Variants in PELI2 observed in about 807,000 individuals in gnomAD.
PELI2 encodes the protein pellino E3 ubiquitin protein ligase family member 2.
Under a neutral mutation model 42.3 loss-of-function variants are expected in PELI2, and 23 were observed. That is an observed-to-expected ratio of 0.54 (90% CI 0.39 to 0.77). The LOEUF (loss-of-function observed/expected upper bound fraction) is 0.77, where lower values mean the gene tolerates loss of function less well. PELI2 is among the 30% of genes least tolerant of loss of function. PELI2 has a pLI of 0.00. For missense variants in PELI2, 463 were observed against 553.2 expected, an observed-to-expected ratio of 0.84 and a Z score of 1.64; for synonymous variants, 245 against 212.2, an observed-to-expected ratio of 1.15 and a Z score of -1.34.
rs546349499 is a variant in PELI2, at chr14:56,119,925, G to C, written c.77+1188G>C. 10 of 809,566 alleles carry C rather than the reference G, an allele frequency of 1.2e-5. No homozygotes were observed. The South Asian group carries it at 4.5e-4, about 36-fold the overall frequency. 50.1% of individuals were successfully genotyped at this position (809,566 alleles called of 1,614,324 possible). A position where few individuals can be genotyped will look rare whatever the true frequency, so the allele number is the denominator to read the frequency against. ...GAAGACTCAGGGAACTTTGCAAAAC[G>C]TGTTTTGATAAGTGAGTGCCTTGAA... On this transcript the variant is annotated intron_variant, in intron 1 of 5. Transcript: ENST00000267460.
chr14:56,197,342 C>G lies in PELI2; in HGVS notation c.207+18878C>G, dbSNP rs1029045050. ...CAGAGAGGGGCAGAAGTGTAACTGTCAGCATATTCTAAGACTCTGAGGCAG... is the reference window on the plus strand; with the variant it reads ...CAGAGAGGGGCAGAAGTGTAACTGTGAGCATATTCTAAGACTCTGAGGCAG... On this transcript the variant is annotated intron_variant, in intron 2 of 5. Transcript: ENST00000267460. This position sits in a 1 kb window ranked among gnomAD's most constrained non-coding sequence, Gnocchi z 4.9. Among the ~76,000 whole-genome samples the G allele has an allele frequency of 1.3e-5, 2 of 152,056 alleles. No individual in the cohort carries two copies. Among genetic ancestry groups the G allele is most frequent in the Non-Finnish European group, 2.9e-5 (2 of 68,014 alleles).
At chr14:56,189,979 G>A (rs1885901349) in intron 2 of PELI2, among the ~76,000 whole-genome samples, 2 of 152,172 alleles carry the variant, frequency 1.3e-5, no homozygotes, top group Admixed American at 1.3e-4. Flanking sequence ...ATGTGAAAAT[G>A]CATCTGATCT....
intron 1 of PELI2, among the ~76,000 whole-genome samples, chr14:56,126,069 C>T (rs905435135): frequency 6.6e-6 from 1 of 152,212 alleles, no homozygotes; most frequent in Non-Finnish European, 1.5e-5. Flanking sequence ...GCTTTACTGA[C>T]ATCAGATATT....
At chr14:56,257,931 C>G (rs889306688) in intron 2 of PELI2, among the ~76,000 whole-genome samples, 8 of 152,184 alleles carry the variant, frequency 5.3e-5, no homozygotes, top group Non-Finnish European at 1.0e-4. Flanking sequence ...TGTAGAGCTA[C>G]AGAGGATACT....
In PELI2 at chr14:56,152,629, G is replaced by A. The variant is rs115316452; in HGVS notation, c.78-25706G>A. Among the ~76,000 whole-genome samples, 995 of 152,190 alleles carry A rather than the reference G, an allele frequency of 6.5e-3. 12 individuals carry two copies. Among genetic ancestry groups the A allele is most frequent in the African/African-American group, 0.023 (951 of 41,502 alleles). On this transcript the variant is annotated intron_variant, in intron 1 of 5. Coordinates refer to ENST00000267460, the MANE Select transcript of PELI2 (RefSeq NM_021255.3). ...TTAGACCTCCCTTGGGTCAGTCTGA[G>A]GAAGGTTTATTATCTTGTGTTTATG...
chr14:56,287,164 C>T (rs191558507), intron 3 of PELI2, among the ~76,000 whole-genome samples: 6 of 152,262 alleles, frequency 3.9e-5, no homozygotes, highest in Admixed American at 1.3e-4. Context: ...CAGTGACTGT[C>T]GCTATGAGGC....
chr14:56,281,674 T>A (rs1055112774), intron 3 of PELI2, among the ~76,000 whole-genome samples: 8 of 152,066 alleles, frequency 5.3e-5, no homozygotes, highest in East Asian at 1.9e-4. Context: ...TCACAAAAGG[T>A]TAATGTCACA....
intron 2 of PELI2, among the ~76,000 whole-genome samples, chr14:56,245,764 A>G (rs961984386): frequency 6.6e-6 from 1 of 152,208 alleles, no homozygotes; most frequent in Non-Finnish European, 1.5e-5. Flanking sequence ...TAACAATACA[A>G]CAAAAAATAA....
rs1889184558 is a variant in PELI2 at position 56,273,706 on chromosome 14, A to C, written c.208-5970A>C. The stretch of plus-strand genomic sequence containing the variant: ...GAACAACAGTGGCAAGAGAGGGCTC[A>C]GGGGTGACATGAAGTTTTTAAGTGT... On this transcript the variant is annotated intron_variant, in intron 2 of 5. Transcript: ENST00000267460. The surrounding 1 kb of genome is among the most constrained non-coding windows in gnomAD (Gnocchi z 4.3). Among the ~76,000 whole-genome samples, 1 of 152,232 alleles carries C rather than the reference A, an allele frequency of 6.6e-6. No individual in the cohort carries two copies. The highest frequency in any genetic ancestry group is 1.5e-5 in the Non-Finnish European group (1 of 68,038).
Position 56,178,320 on chromosome 14 carries a change from C to T in PELI2, c.78-15C>T, listed in dbSNP as rs558082649. 3.7e-5 allele frequency: 59 copies of T among 1,613,272 alleles called. No individual in the cohort carries two copies. Among genetic ancestry groups the T allele is most frequent in the Non-Finnish European group, 4.6e-5 (54 of 1,179,428 alleles). On this transcript the variant is annotated splice_polypyrimidine_tract_variant and intron_variant, in intron 1 of 5. Transcript: ENST00000267460. ...AAATCTGCAGATAGATGAACTCTTTCCTCTCTGTTTCTAGGTACAATGGTG... is the reference window on the plus strand; with the variant it reads ...AAATCTGCAGATAGATGAACTCTTTTCTCTCTGTTTCTAGGTACAATGGTG...
At chr14:56,148,827 G>A (rs1337420049) in intron 1 of PELI2, among the ~76,000 whole-genome samples, 1 of 152,176 alleles carries the variant, frequency 6.6e-6, no homozygotes, top group African/African-American at 2.4e-5. Context: ...ATCTAGTCCT[G>A]TGCTTGGCAA....
In PELI2 at chr14:56,145,076, A is replaced by G. The variant is rs566837002; in HGVS notation, c.77+26339A>G. 2.4e-5 allele frequency: 11 copies of G among 449,276 alleles called. 1 individual carries two copies. Among genetic ancestry groups the G allele is most frequent in the African/African-American group, 1.7e-4 (8 of 47,108 alleles). The allele number at this position is 449,276 out of a possible 1,614,324, so 27.8% of individuals were successfully genotyped here. A position where few individuals can be genotyped will look rare whatever the true frequency, so the allele number is the denominator to read the frequency against. ...TCCTGAGACTAGGTTCTTTATAAAG[A>G]AAAGAGGCTTAATTGGCTAACAGTT... On this transcript the variant is annotated intron_variant, in intron 1 of 5. Coordinates refer to ENST00000267460, the MANE Select transcript of PELI2 (RefSeq NM_021255.3).
intron 1 of PELI2, among the ~76,000 whole-genome samples, chr14:56,168,526 CTTG>C: frequency 6.6e-6 from 1 of 152,232 alleles, no homozygotes; most frequent in East Asian, 1.9e-4. Context: ...CTTAAGTCAG[CTTG>C]TTGTGAATGC....
Position 56,297,228 on chromosome 14 carries a change from C to A in PELI2, c.*62C>A. On this transcript the variant is annotated 3_prime_UTR_variant, in exon 6 of 6. Coordinates refer to ENST00000267460, the MANE Select transcript of PELI2 (RefSeq NM_021255.3). ...TACTGTGAAGATTTTGCCACTAACT[C>A]TAGATTTTACCTTTTTGTAATGCTG... The A allele has an allele frequency of 8.8e-7, 1 of 1,141,646 alleles. No individual in the cohort carries two copies. Among genetic ancestry groups the A allele is most frequent in the Non-Finnish European group, 1.2e-6 (1 of 801,436 alleles). The allele number at this position is 1,141,646 out of a possible 1,614,324, so 70.7% of individuals were successfully genotyped here.
chr14:56,128,644 C>A (rs1883367790), intron 1 of PELI2, among the ~76,000 whole-genome samples: 1 of 151,942 alleles, frequency 6.6e-6, no homozygotes, highest in African/African-American at 2.4e-5. Context: ...GATTTTGGAA[C>A]CTTGAGGGGT....
In PELI2 at chr14:56,135,827, T is replaced by C. The variant is rs143078929; in HGVS notation, c.77+17090T>C. Among the ~76,000 whole-genome samples, 4 of 152,330 alleles carry C rather than the reference T, an allele frequency of 2.6e-5. No individual in the cohort carries two copies. In the East Asian group the frequency reaches 7.7e-4, roughly 29 times the overall value. ...AAAGACCTCTGTTAACTGGAATGCT[T>C]CAGAAGAGGCATGCTTTTGGACTGT... On this transcript the variant is annotated intron_variant, in intron 1 of 5. Coordinates refer to ENST00000267460, the MANE Select transcript of PELI2 (RefSeq NM_021255.3).
chr14:56,201,467 T>C (rs1303336301), intron 2 of PELI2, among the ~76,000 whole-genome samples: 2 of 152,228 alleles, frequency 1.3e-5, no homozygotes, highest in Non-Finnish European at 2.9e-5. Context: ...GTAGTGGTAC[T>C]CTATTTTTAA....
Position 56,172,573 on chromosome 14 carries a change from C to T in PELI2, c.78-5762C>T, listed in dbSNP as rs191810107. Among the ~76,000 whole-genome samples, 143 of 152,132 alleles carry T rather than the reference C, an allele frequency of 9.4e-4. 1 individual carries two copies. Among genetic ancestry groups the T allele is most frequent in the Admixed American group, 5.2e-3 (79 of 15,264 alleles). ...AAGGAGGGGAGGTTGGTTGGTGTGC[C>T]GGCTGTATGATGAATGATCAAATGT... is the stretch of plus-strand genomic sequence containing the variant. On this transcript the variant is annotated intron_variant, in intron 1 of 5. Transcript: ENST00000267460.
chr14:56,246,411 T>C (rs2139805438), intron 2 of PELI2, among the ~76,000 whole-genome samples: 1 of 152,320 alleles, frequency 6.6e-6, no homozygotes, highest in Admixed American at 6.5e-5. Flanking sequence ...CTACTTAAGC[T>C]GCTAATCTTC....
Sources: gnomAD v4.1 joint callset for allele counts (sites outside exome capture counted in the v4.1 genomes callset) on GRCh38, gnomAD v4.1.1 for gene constraint, Gnocchi (gnomAD v3.1) non-coding constraint, MANE v1.5 for transcripts, NCBI Gene and HGNC (gene_info 2026-07-23, HGNC 2026-07-21) for gene names.